The following DPPA2 variants were observed in gnomAD, a reference collection of about 807,000 sequenced individuals.
The protein encoded by DPPA2 is developmental pluripotency associated 2.
A neutral mutation model predicts 36.2 loss-of-function variants in DPPA2; 26 were observed. The ratio of observed to expected loss-of-function variants is 0.72; its 90% CI spans 0.53 to 1.00. The LOEUF (loss-of-function observed/expected upper bound fraction) is 1.00, where lower values mean the gene tolerates loss of function less well. Among genes scored for constraint, DPPA2 ranks in the 50% least tolerant of loss-of-function variants. The pLI is 0.00. For missense variants in DPPA2, 361 were observed against 365.1 expected, an observed-to-expected ratio of 0.99 and a Z score of 0.09; for synonymous variants, 113 against 123.2, an observed-to-expected ratio of 0.92 and a Z score of 0.55.
chr3:109,309,238 T>C lies in DPPA2; in HGVS notation c.274A>G (p.Ile92Val), dbSNP rs766319393. The C allele has an allele frequency of 5.0e-6, 8 of 1,614,032 alleles. No individual in the cohort carries two copies. The highest frequency in any genetic ancestry group is 2.2e-5 in the East Asian group (1 of 44,892). ...ALPLPTILPP[I>V]NKVCRDTLRD... Reference sequence around the variant, plus strand: ...AAAGTGTCCCGACACACCTTATTAATGGGAGGCAAAATGGTCGGCAAGGGA... The same window carrying C: ...AAAGTGTCCCGACACACCTTATTAACGGGAGGCAAAATGGTCGGCAAGGGA... The change falls in exon 4 of 9, where the codon ATT becomes GTT. Residue 92 changes from isoleucine to valine, a missense_variant. Transcript: ENST00000478945.
At chr3:109,312,754 C>T (rs1167178280) in intron 2 of DPPA2, 62 bp from the exon 3 acceptor site, 1 of 1,579,224 alleles carries the variant, frequency 6.3e-7, no homozygotes, top group African/African-American at 1.3e-5. Context: ...TGCTTGCTTT[C>T]AAGGCAAAAG....
At chr3:109,294,899 T>A (rs1183741481) in intron 8 of DPPA2, among the ~76,000 whole-genome samples, 7 of 152,102 alleles carry the variant, frequency 4.6e-5, no homozygotes, top group Admixed American at 4.6e-4. Flanking sequence ...CCAGTGCCTG[T>A]AATCCCAGCT....
At chr3:109,304,365 T>G in intron 7 of DPPA2, 110 bp downstream of exon 7, 1 of 1,176,922 alleles carries the variant, frequency 8.5e-7, no homozygotes, top group Non-Finnish European at 1.2e-6. Context: ...ATGTGGCAAA[T>G]TAAGAAGACA....
Position 109,304,440 on chromosome 3 carries a change from T to C in DPPA2, c.854+35A>G, listed in dbSNP as rs762708697. The C allele has an allele frequency of 1.0e-5, 16 of 1,554,038 alleles. No individual in the cohort carries two copies. The East Asian group carries it at 3.7e-4, about 36-fold the overall frequency. ...AAATCCATCTATACACCTACTTTTC[T>C]GTGTGCCATGCTTAACAAGATACAT... On this transcript the variant is annotated intron_variant, in intron 7 of 8. Transcript: ENST00000478945.
chr3:109,300,425 T>C lies in DPPA2; in HGVS notation c.865A>G (p.Met289Val), dbSNP rs139530575. 6.8e-5 allele frequency: 109 copies of C among 1,613,936 alleles called. No individual in the cohort carries two copies. The highest frequency in any genetic ancestry group is 7.8e-5 in the Non-Finnish European group (92 of 1,179,934). Residue 289 changes from methionine to valine, a missense_variant, in exon 8 of 9, where the codon ATG becomes GTG. Coordinates refer to ENST00000478945, the MANE Select transcript of DPPA2 (RefSeq NM_138815.4). ...CPDCAKRNKKMMKRLMTVEK is the reference protein window; with the variant it reads ...CPDCAKRNKKVMKRLMTVEK ...TCTACTGTCATTAATCTTTTCATCA[T>C]CTTCTTATTCCTGTAAGGCAAGTAG...
intron 3 of DPPA2, among the ~76,000 whole-genome samples, chr3:109,310,358 A>C (rs1707680286): frequency 7.4e-6 from 1 of 135,492 alleles, no homozygotes; most frequent in Non-Finnish European, 1.6e-5. Context: ...CAGCGAGCTG[A>C]GATCACACCA....
rs375420882 is a variant in DPPA2 at position 109,314,554 on chromosome 3, C to A, written c.-12G>T. On this transcript the variant is annotated splice_region_variant and 5_prime_UTR_variant, in exon 2 of 9. Coordinates refer to ENST00000478945, the MANE Select transcript of DPPA2 (RefSeq NM_138815.4). ...TTTGCATCTGACATTTTCAGCAACA[C>A]CCTGGGGAAGGCAAGGACAGCAATG... The A allele has an allele frequency of 6.2e-7, 1 of 1,608,998 alleles. No homozygotes were observed. Among genetic ancestry groups the A allele is most frequent in the African/African-American group, 1.3e-5 (1 of 74,896 alleles).
chr3:109,312,331 C>G (rs1707725196), intron 3 of DPPA2, among the ~76,000 whole-genome samples: 1 of 152,102 alleles, frequency 6.6e-6, no homozygotes, highest in African/African-American at 2.4e-5. Context: ...GAGACTCCAT[C>G]TCCAAAAAAT....
intron 6 of DPPA2, among the ~76,000 whole-genome samples, chr3:109,306,689 G>C (rs1238693097): frequency 6.6e-6 from 1 of 151,782 alleles, no homozygotes; most frequent in East Asian, 2.0e-4. Context: ...GAGGGCCCCA[G>C]GCGCGGTAGC....
At position 109,304,488 on chromosome 3, in the gene DPPA2, C is replaced by G. The variant is rs144839994; in HGVS notation, c.841G>C (p.Asp281His). 1.8e-5 allele frequency: 29 copies of G among 1,611,646 alleles called. No individual in the cohort carries two copies. The African/African-American group carries it at 2.7e-4, about 15-fold the overall frequency. The change falls in exon 7 of 9, where the codon GAC (aspartate) becomes CAC (histidine). Residue 281 changes from aspartate (D) to histidine (H), a missense_variant. By Grantham distance (81) the Asp-to-His change is moderately conservative. Transcript: ENST00000478945. ...CATAAGGGTTACCTCTTAGCACAGT[C>G]GGGGCATAACATATTATCTTCTATG... is the stretch of plus-strand genomic sequence containing the variant. ...PGIEDNMLCP[D>H]CAKRNKKMMK... is the part of the protein sequence containing the mutation.
At chr3:109,305,728 C>T (rs916126758) in intron 6 of DPPA2, among the ~76,000 whole-genome samples, 14 of 147,910 alleles carry the variant, frequency 9.5e-5, no homozygotes, top group Admixed American at 6.2e-4. Flanking sequence ...GAGCTGAGAT[C>T]ACGCCATTGC....
intron 8 of DPPA2, 146 bp downstream of exon 8, chr3:109,300,225 C>T: frequency 1.5e-6 from 1 of 652,050 alleles, no homozygotes; most frequent in Non-Finnish European, 2.7e-6. Context: ...TCCTGGTAGA[C>T]AGCAGACAAG....
Position 109,313,903 on chromosome 3 carries a change from A to G in DPPA2, c.33+607T>C, listed in dbSNP as rs570004763. ...CATAATCATATAGCTAATATTGGCC[A>G]ATTCAGTCCTTTAGCCAGAGGACGG... On this transcript the variant is annotated intron_variant, in intron 2 of 8. Transcript: ENST00000478945. 5.3e-5 allele frequency among the ~76,000 whole-genome samples: 8 copies of G among 152,298 alleles called. No individual in the cohort carries two copies. The South Asian group carries it at 1.7e-3, about 32-fold the overall frequency.
In DPPA2 at chr3:109,299,251, G is replaced by A. The variant is rs139438822; in HGVS notation, c.*22+1120C>T. ...CTGGGGGCTGGGTGCGGTGGCTCCC[G>A]CCTGTAATCCCAGCACTTTGGGAAA... On this transcript the variant is annotated intron_variant, in intron 8 of 8. Coordinates refer to ENST00000478945, the MANE Select transcript of DPPA2 (RefSeq NM_138815.4). Among the ~76,000 whole-genome samples, 21 of 151,620 alleles carry A rather than the reference G, an allele frequency of 1.4e-4. No homozygotes were observed. In the East Asian group the frequency reaches 4.1e-3, roughly 29 times the overall value.
intron 8 of DPPA2, among the ~76,000 whole-genome samples, chr3:109,299,881 C>T (rs916050659): frequency 1.3e-4 from 20 of 151,478 alleles, no homozygotes; most frequent in African/African-American, 3.1e-4. Flanking sequence ...TTAGCCTTCC[C>T]GGTAGCTGGG....
intron 7 of DPPA2, among the ~76,000 whole-genome samples, chr3:109,303,891 C>T (rs530716852): frequency 1.5e-4 from 23 of 152,082 alleles, no homozygotes; most frequent in African/African-American, 2.4e-5. Context: ...AATACCAGTA[C>T]TTTGGGAGGC....
chr3:109,304,494 A>G lies in DPPA2; in HGVS notation c.835T>C (p.Cys279Arg), dbSNP rs771435646. 1.2e-6 allele frequency: 2 copies of G among 1,613,578 alleles called. No individual in the cohort carries two copies. The highest frequency in any genetic ancestry group is 1.3e-5 in the African/African-American group (1 of 75,030). ...PSPGIEDNML[C>R]PDCAKRNKKM... ...GGTTACCTCTTAGCACAGTCGGGGC[A>G]TAACATATTATCTTCTATGCCTGGG... The change falls in exon 7 of 9, where the codon TGC (cysteine) becomes CGC (arginine). Residue 279 changes from cysteine to arginine, a missense_variant. Physicochemically the swap from Cys to Arg is radical, Grantham distance 180. Transcript: ENST00000478945.
intron 5 of DPPA2, 98 bp from the exon 6 acceptor site, chr3:109,308,391 T>C: frequency 7.7e-6 from 11 of 1,430,686 alleles, no homozygotes; most frequent in Non-Finnish European, 1.0e-5. Flanking sequence ...AGACGGAGTC[T>C]CGCTCTTGTT....
In DPPA2 at chr3:109,300,321, T is replaced by C. The variant is rs79494928; in HGVS notation, c.*22+50A>G. The C allele has an allele frequency of 2.5e-3, 3,806 of 1,496,462 alleles. 74 individuals carry two copies. The African/African-American group carries it at 0.041, about 16-fold the overall frequency. 92.7% of individuals were successfully genotyped at this position (1,496,462 alleles called of 1,614,324 possible). A position where few individuals can be genotyped will look rare whatever the true frequency, so the allele number is the denominator to read the frequency against. On this transcript the variant is annotated intron_variant, in intron 8 of 8. Transcript: ENST00000478945. ...TTGTATGTGACTCTTTTCAATTGCC[T>C]TCAAATCAAAATAATACTTATTTTG...
Sources: gnomAD v4.1 joint callset for allele counts (sites outside exome capture counted in the v4.1 genomes callset) on GRCh38, gnomAD v4.1.1 for gene constraint, MANE v1.5 for transcripts, NCBI Gene and HGNC (gene_info 2026-07-23, HGNC 2026-07-21) for gene names.